Variants in IL1RAPL2 observed in about 807,000 individuals in gnomAD.
IL1RAPL2 encodes the protein X-linked interleukin-1 receptor accessory protein-like 2.
IL1RAPL2 carries 3 observed loss-of-function variants against 44.1 expected under a neutral mutation model. The ratio of observed to expected loss-of-function variants is 0.07; its 90% CI spans 0.03 to 0.18. IL1RAPL2 has a LOEUF of 0.18. Ranked by LOEUF, IL1RAPL2 falls within the 10% of genes least tolerant of loss-of-function variation. IL1RAPL2 has a pLI of 1.00. For missense variants in IL1RAPL2, 391 were observed against 496.4 expected (o/e 0.79, Z 2.02); for synonymous variants, 181 against 178.8 (o/e 1.01, Z -0.10).
intron 4 of IL1RAPL2, among the ~76,000 whole-genome samples, chrX:105,260,315 A>G (rs2034347187): frequency 9.0e-6 from 1 of 111,567 alleles, no homozygotes; most frequent in Admixed American, 9.4e-5. Flanking sequence ...GAGGTTAAAA[A>G]TCTCTGTTAG....
intron 5 of IL1RAPL2, chrX:105,405,797 G>A: frequency 8.6e-7 from 1 of 1,158,748 alleles, no homozygotes; most frequent in South Asian, 1.8e-5. Context: ...CTGTAAGCCA[G>A]GTGGTTGCTG....
chrX:105,035,108 T>C (rs902047376), intron 2 of IL1RAPL2, among the ~76,000 whole-genome samples: 6 of 111,464 alleles, frequency 5.4e-5, no homozygotes, highest in Admixed American at 3.8e-4. Context: ...AGTATTAGGG[T>C]GGGAGTGACC....
At chrX:104,915,702 G>T (rs1021334309) in intron 2 of IL1RAPL2, among the ~76,000 whole-genome samples, 1 of 111,104 alleles carries the variant, frequency 9.0e-6, no homozygotes, top group African/African-American at 3.3e-5. Context: ...ATGGTTTTAG[G>T]TCTCACGTTT....
chrX:104,771,988 T>A (rs1344173601), intron 2 of IL1RAPL2, among the ~76,000 whole-genome samples: 7 of 112,062 alleles, frequency 6.2e-5, no homozygotes, highest in African/African-American at 2.3e-4. Context: ...ACAGGGTACA[T>A]ATATCCCCAT....
intron 2 of IL1RAPL2, among the ~76,000 whole-genome samples, chrX:105,151,760 A>C (rs1292714488): frequency 2.8e-5 from 3 of 107,461 alleles, no homozygotes; most frequent in African/African-American, 1.1e-4. Flanking sequence ...TCAATCAACA[A>C]GTGGATAAAA....
Position 105,301,947 on chromosome X carries a change from C to A in IL1RAPL2, c.697+34406C>A, listed in dbSNP as rs141048537. Among the ~76,000 whole-genome samples, 12 of 112,170 alleles carry A rather than the reference C, an allele frequency of 1.1e-4. No homozygotes were observed. In the East Asian group the frequency reaches 2.8e-3, roughly 26 times the overall value. ...TTTCAAGGAACCTCTAAACTGTTCT[C>A]CGTAGTGGTTGTACTAATTTACATT... On this transcript the variant is annotated intron_variant, in intron 5 of 10. Coordinates refer to ENST00000372582, the MANE Select transcript of IL1RAPL2 (RefSeq NM_017416.2).
chrX:105,655,941 T>C (rs1348144707), intron 6 of IL1RAPL2, among the ~76,000 whole-genome samples: 1 of 112,206 alleles, frequency 8.9e-6, no homozygotes, highest in Non-Finnish European at 1.9e-5. Context: ...ATCCATCCCC[T>C]TATGCACTTA....
chrX:105,439,928 CTATT>C (rs1449748200), intron 5 of IL1RAPL2, among the ~76,000 whole-genome samples: 1 of 112,073 alleles, frequency 8.9e-6, no homozygotes, highest in Non-Finnish European at 1.9e-5. Context: ...CTGTTGATAA[CTATT>C]TGTGATGGAA....
chrX:104,899,102 C>A (rs1476795720), intron 2 of IL1RAPL2, among the ~76,000 whole-genome samples: 1 of 111,672 alleles, frequency 9.0e-6, no homozygotes, highest in African/African-American at 3.3e-5. Context: ...ACTACCTGAG[C>A]CATACATTTT....
chrX:105,659,937 A>G lies in IL1RAPL2; in HGVS notation c.773-57430A>G, dbSNP rs996048240. On this transcript the variant is annotated intron_variant, in intron 6 of 10. Coordinates refer to ENST00000372582, the MANE Select transcript of IL1RAPL2 (RefSeq NM_017416.2). ...CTTATTGGCCCTAAAGAGGAAAGAG[A>G]GAGAGATATTGGGGTAGAAAGTTTA... Among the ~76,000 whole-genome samples, 18 of 111,316 alleles carry G rather than the reference A, an allele frequency of 1.6e-4. 1 individual carries two copies. Among genetic ancestry groups the G allele is most frequent in the Non-Finnish European group, 1.9e-5 (1 of 53,060 alleles).
chrX:105,169,120 C>T (rs750678825), intron 2 of IL1RAPL2, among the ~76,000 whole-genome samples: 1 of 112,109 alleles, frequency 8.9e-6, no homozygotes, highest in African/African-American at 3.2e-5. Context: ...ATCCTTTTAA[C>T]TATACCATAT....
At chrX:105,712,751 A>G (rs753031208) in intron 6 of IL1RAPL2, among the ~76,000 whole-genome samples, 1 of 111,949 alleles carries the variant, frequency 8.9e-6, no homozygotes, top group Admixed American at 9.5e-5. Context: ...TCATTCCAGC[A>G]TTAACTCAAA....
intron 6 of IL1RAPL2, among the ~76,000 whole-genome samples, chrX:105,559,792 T>A (rs17285528): frequency 0.019 from 2,177 of 111,739 alleles, 22 homozygotes; most frequent in Non-Finnish European, 0.03. Flanking sequence ...TCTTTTTAGG[T>A]TTCACTGTGT....
At chrX:105,650,780 G>A (rs1191613960) in intron 6 of IL1RAPL2, among the ~76,000 whole-genome samples, 5 of 111,872 alleles carry the variant, frequency 4.5e-5, no homozygotes, top group Non-Finnish European at 9.4e-5. Flanking sequence ...TTTGCCTGAG[G>A]CTATGTAAGT....
intron 1 of IL1RAPL2, among the ~76,000 whole-genome samples, chrX:104,595,358 G>GT (rs1048713660): frequency 9.0e-6 from 1 of 111,308 alleles, no homozygotes; most frequent in African/African-American, 3.3e-5. Context: ...CAGGAGACAA[G>GT]TTGGGTGGAT....
chrX:104,946,636 A>T (rs1375720633), intron 2 of IL1RAPL2, among the ~76,000 whole-genome samples: 1 of 90,509 alleles, frequency 1.1e-5, no homozygotes, highest in African/African-American at 4.1e-5. Context: ...TCATTGTTCA[A>T]TTCCCACCTA....
At chrX:104,831,388 T>C (rs986110841) in intron 2 of IL1RAPL2, among the ~76,000 whole-genome samples, 6 of 111,893 alleles carry the variant, frequency 5.4e-5, no homozygotes, top group African/African-American at 1.9e-4. Flanking sequence ...TTTGGACATA[T>C]TAAATAATTT....
At chrX:104,611,709 C>A (rs1373237304) in intron 1 of IL1RAPL2, among the ~76,000 whole-genome samples, 3 of 109,093 alleles carry the variant, frequency 2.7e-5, no homozygotes, top group African/African-American at 1.0e-4. Context: ...TGATGGCAGG[C>A]GCCTGTAGTC....
At chrX:104,648,621 G>T (rs781750584) in intron 1 of IL1RAPL2, among the ~76,000 whole-genome samples, 29 of 111,796 alleles carry the variant, frequency 2.6e-4, no homozygotes, top group African/African-American at 9.1e-4. Context: ...TGTGATTGAA[G>T]ACTTTTTGTC....
Sources: allele counts gnomAD v4.1 joint callset (sites outside exome capture counted in the v4.1 genomes callset), GRCh38; gene constraint gnomAD v4.1.1; transcripts MANE v1.5; gene names NCBI Gene and HGNC (gene_info 2026-07-23, HGNC 2026-07-21).